Variants in FHIT observed in about 807,000 individuals in gnomAD.
The protein encoded by FHIT is fragile histidine triad diadenosine triphosphatase.
FHIT carries 19 observed loss-of-function variants against 17.9 expected under a neutral mutation model. The ratio of observed to expected loss-of-function variants is 1.06; its 90% CI spans 0.74 to 1.56. The LOEUF (loss-of-function observed/expected upper bound fraction) is 1.56, where lower values mean the gene tolerates loss of function less well. FHIT is among the 40% of genes most tolerant of loss of function. FHIT has a pLI of 0.00. For missense variants in FHIT, 248 were observed against 189.2 expected, an observed-to-expected ratio of 1.31 and a Z score of -1.82; for synonymous variants, 81 against 69.7, an observed-to-expected ratio of 1.16 and a Z score of -0.81.
At chr3:60,102,300 G>A (rs1221965039) in intron 5 of FHIT, among the ~76,000 whole-genome samples, 1 of 152,190 alleles carries the variant, frequency 6.6e-6, no homozygotes, top group Non-Finnish European at 1.5e-5. Flanking sequence ...AATAACTACA[G>A]CTGCATTGCA....
At chr3:61,215,120 C>T (rs1002380905) in intron 1 of FHIT, among the ~76,000 whole-genome samples, 1 of 151,874 alleles carries the variant, frequency 6.6e-6, no homozygotes, top group Non-Finnish European at 1.5e-5. Context: ...CCCTCTCTCA[C>T]CACTCCTATT....
chr3:60,171,978 C>G (rs1701437503), intron 5 of FHIT, among the ~76,000 whole-genome samples: 1 of 152,160 alleles, frequency 6.6e-6, no homozygotes, highest in Non-Finnish European at 1.5e-5. Flanking sequence ...TTATTAAATG[C>G]CTTTCACGTA....
chr3:60,360,406 T>C (rs1472509015), intron 5 of FHIT, among the ~76,000 whole-genome samples: 3 of 152,092 alleles, frequency 2.0e-5, no homozygotes, highest in Non-Finnish European at 2.9e-5. Context: ...GGGCCAATAA[T>C]GCACAGAGTT....
intron 4 of FHIT, among the ~76,000 whole-genome samples, chr3:60,708,553 C>T (rs2041432046): frequency 6.6e-6 from 1 of 152,118 alleles, no homozygotes; most frequent in Admixed American, 6.5e-5. Flanking sequence ...TGTAGTGAAA[C>T]CCTATCCTGT....
At chr3:60,942,184 A>T (rs575310215) in intron 3 of FHIT, among the ~76,000 whole-genome samples, 35 of 152,166 alleles carry the variant, frequency 2.3e-4, no homozygotes, top group South Asian at 4.1e-4. Context: ...AGGTTTCACC[A>T]TGTTGGCCAG....
intron 2 of FHIT, among the ~76,000 whole-genome samples, chr3:61,063,634 A>G (rs149950368): frequency 2.6e-4 from 40 of 152,256 alleles, no homozygotes; most frequent in African/African-American, 9.1e-4. Flanking sequence ...CACAAACACA[A>G]ATGAATATGG....
chr3:60,531,723 T>C (rs1248246853), intron 5 of FHIT, among the ~76,000 whole-genome samples: 3 of 152,244 alleles, frequency 2.0e-5, no homozygotes, highest in Non-Finnish European at 2.9e-5. Context: ...CTTTTATGTA[T>C]AGCATCTATT....
chr3:60,126,708 TACC>T (rs1237393894), intron 5 of FHIT, among the ~76,000 whole-genome samples: 3 of 152,298 alleles, frequency 2.0e-5, no homozygotes, highest in South Asian at 2.1e-4. Context: ...GCTGAAGTAT[TACC>T]ACATTTACCT....
chr3:61,097,734 G>C (rs527438684), intron 2 of FHIT, among the ~76,000 whole-genome samples: 12 of 151,698 alleles, frequency 7.9e-5, no homozygotes, highest in African/African-American at 2.4e-4. Context: ...GATTTTTGTT[G>C]GCCACATGTA....
At chr3:60,802,584 C>T (rs1266336945) in intron 4 of FHIT, among the ~76,000 whole-genome samples, 1 of 152,062 alleles carries the variant, frequency 6.6e-6, no homozygotes, top group Admixed American at 6.6e-5. Context: ...CCTTCATCCT[C>T]GATTTTGCCT....
At chr3:60,465,545 C>A (rs1383138903) in intron 5 of FHIT, among the ~76,000 whole-genome samples, 3 of 152,026 alleles carry the variant, frequency 2.0e-5, no homozygotes, top group African/African-American at 7.2e-5. Context: ...AGTCTTTAAT[C>A]CATTTTGATT....
chr3:60,373,135 G>T (rs1197007424), intron 5 of FHIT, among the ~76,000 whole-genome samples: 1 of 152,146 alleles, frequency 6.6e-6, no homozygotes, highest in Non-Finnish European at 1.5e-5. Context: ...GCCTTCAACA[G>T]CCTCTAGTTT....
At chr3:60,150,155 G>A (rs1401054359) in intron 5 of FHIT, among the ~76,000 whole-genome samples, 4 of 149,272 alleles carry the variant, frequency 2.7e-5, no homozygotes, top group African/African-American at 4.9e-5. Context: ...CGCCCCCCAC[G>A]CCCGGCTCAT....
At chr3:61,052,845 A>G (rs937610118) in intron 2 of FHIT, among the ~76,000 whole-genome samples, 2 of 146,934 alleles carry the variant, frequency 1.4e-5, no homozygotes, top group Non-Finnish European at 3.0e-5. Context: ...GATGTTAATT[A>G]ATCTATTTTT....
chr3:61,130,998 T>A (rs1022905422), intron 2 of FHIT, among the ~76,000 whole-genome samples: 15 of 152,242 alleles, frequency 9.9e-5, no homozygotes, highest in African/African-American at 3.4e-4. Flanking sequence ...ATGTATTTTA[T>A]AAAACACATA....
chr3:61,062,660 GC>G (rs2034469209), intron 2 of FHIT, among the ~76,000 whole-genome samples: 1 of 152,176 alleles, frequency 6.6e-6, no homozygotes, highest in African/African-American at 2.4e-5. Context: ...CAGTATAAAT[GC>G]AGAATATGCC....
intron 5 of FHIT, among the ~76,000 whole-genome samples, chr3:60,468,326 G>A (rs74315541): frequency 0.036 from 5,417 of 152,072 alleles, 317 homozygotes; most frequent in African/African-American, 0.12. Flanking sequence ...ATTTACTCCT[G>A]CTATTTTGTT....
chr3:60,803,011 GAAAT>G (rs36036534), intron 4 of FHIT, among the ~76,000 whole-genome samples: 10 of 152,042 alleles, frequency 6.6e-5, no homozygotes, highest in Non-Finnish European at 1.2e-4. Flanking sequence ...AAACCAAACC[GAAAT>G]AAATAAATAA....
chr3:60,694,889 GAACATCACACACCGGGGCCTGT>G (rs2041079530), intron 4 of FHIT, among the ~76,000 whole-genome samples: 1 of 151,758 alleles, frequency 6.6e-6, no homozygotes, highest in Non-Finnish European at 1.5e-5. Context: ...ACAAGAAGGG[GAACATCACACACCGGGGCCTGT>G]TGTGGGGTGT....
Sources: allele counts gnomAD v4.1 joint callset (sites outside exome capture counted in the v4.1 genomes callset), GRCh38; gene constraint gnomAD v4.1.1; transcripts MANE v1.5; gene names NCBI Gene and HGNC (gene_info 2026-07-23, HGNC 2026-07-21).